TPO: variants seen among roughly 807,000 people sequenced by gnomAD.
TPO encodes the protein thyroid peroxidase.
A neutral mutation model predicts 96.9 loss-of-function variants in TPO; 78 were observed. The ratio of observed to expected loss-of-function variants is 0.81; its 90% CI spans 0.67 to 0.97. The LOEUF (loss-of-function observed/expected upper bound fraction) is 0.97. Among genes scored for constraint, TPO ranks in the 50% least tolerant of loss-of-function variants. The pLI is 0.00. For missense variants in TPO, 1,252 were observed against 1,274.8 expected, an observed-to-expected ratio of 0.98 and a Z score of 0.27; for synonymous variants, 547 against 538.0, an observed-to-expected ratio of 1.02 and a Z score of -0.23.
At chr2:1,467,060 C>G (rs545219710) in intron 7 of TPO, among the ~76,000 whole-genome samples, 1 of 152,006 alleles carries the variant, frequency 6.6e-6, no homozygotes, top group Non-Finnish European at 1.5e-5. Context: ...TTGCTGTATC[C>G]TAGAGGTTTC....
At chr2:1,432,467 A>T (rs1357925114) in intron 3 of TPO, among the ~76,000 whole-genome samples, 4 of 151,828 alleles carry the variant, frequency 2.6e-5, no homozygotes, top group African/African-American at 9.7e-5. Context: ...GGAGACCAGG[A>T]GTAAGGGGAG....
intron 1 of TPO, among the ~76,000 whole-genome samples, chr2:1,406,204 G>A (rs1403959945): frequency 3.3e-5 from 5 of 152,122 alleles, no homozygotes; most frequent in Non-Finnish European, 5.9e-5. Flanking sequence ...TGTATTTACC[G>A]ACCTTCACCA....
chr2:1,534,211 C>T (rs1267415684), intron 15 of TPO, among the ~76,000 whole-genome samples: 1 of 61,938 alleles, frequency 1.6e-5, no homozygotes, highest in African/African-American at 5.6e-5. Context: ...CCCCCAATCT[C>T]CCCCACTGTG....
At chr2:1,518,743 A>C (rs1395365798) in intron 15 of TPO, among the ~76,000 whole-genome samples, 3 of 152,268 alleles carry the variant, frequency 2.0e-5, no homozygotes, top group Admixed American at 1.3e-4. Flanking sequence ...GCCATGTGTC[A>C]GATGTAATGC....
chr2:1,469,215 G>A (rs1669158361), intron 7 of TPO, among the ~76,000 whole-genome samples: 1 of 152,112 alleles, frequency 6.6e-6, no homozygotes, highest in African/African-American at 2.4e-5. Flanking sequence ...GGTAAATCAG[G>A]GATTTCTCCT....
intron 1 of TPO, among the ~76,000 whole-genome samples, chr2:1,385,225 A>T (rs1661872183): frequency 6.6e-6 from 1 of 152,198 alleles, no homozygotes; most frequent in Admixed American, 6.5e-5. Context: ...TGGCCTCATA[A>T]AATGAGTTAG....
In TPO at chr2:1,492,148, A is replaced by AT. The variant is rs571749165; in HGVS notation, c.1769-1646dup. ...GACAGCAGTTTTCTAAAAGCTCAGG[A>AT]TTTTTTTTGTTTTTTGTTTTTTTGA... On this transcript the variant is annotated intron_variant, in intron 10 of 16. Coordinates refer to ENST00000329066, the MANE Select transcript of TPO (RefSeq NM_001206744.2). 4.0e-3 allele frequency among the ~76,000 whole-genome samples: 532 copies of AT among 131,756 alleles called. 1 individual carries two copies. Among genetic ancestry groups the AT allele is most frequent in the Admixed American group, 0.012 (155 of 13,012 alleles). 86.4% of individuals were successfully genotyped at this position (131,756 alleles called of 152,430 possible). A position where few individuals can be genotyped will look rare whatever the true frequency, so the allele number is the denominator to read the frequency against.
intron 1 of TPO, among the ~76,000 whole-genome samples, chr2:1,374,785 T>C (rs1238395844): frequency 1.3e-5 from 2 of 150,978 alleles, no homozygotes; most frequent in African/African-American, 4.9e-5. Context: ...TGGAGTGCAA[T>C]GGCTCGATCT....
chr2:1,425,967 C>T (rs1263161361), intron 3 of TPO, among the ~76,000 whole-genome samples: 1 of 146,516 alleles, frequency 6.8e-6, no homozygotes, highest in African/African-American at 2.6e-5. Flanking sequence ...GAAGTCCATG[C>T]TCCTTCTGTA....
chr2:1,482,814 C>G (rs1182114509), intron 8 of TPO, among the ~76,000 whole-genome samples: 1 of 152,156 alleles, frequency 6.6e-6, no homozygotes. Context: ...GCTGGGACTA[C>G]AGGTGTACAC....
At chr2:1,432,001 C>G (rs1665021080) in intron 3 of TPO, among the ~76,000 whole-genome samples, 1 of 152,226 alleles carries the variant, frequency 6.6e-6, no homozygotes, top group Admixed American at 6.5e-5. Context: ...TGCTCTTGCT[C>G]TAGGACCTGT....
chr2:1,380,222 G>A (rs1041850257), intron 1 of TPO, among the ~76,000 whole-genome samples: 41 of 151,804 alleles, frequency 2.7e-4, no homozygotes, highest in African/African-American at 7.3e-4. Flanking sequence ...GTGAAACCCC[G>A]TCTCTACTAA....
At position 1,542,453 on chromosome 2, in the gene TPO, C is replaced by A; in HGVS notation, c.2781C>A (p.His927Gln). 1 of 1,614,218 alleles carries A rather than the reference C, an allele frequency of 6.2e-7. No individual in the cohort carries two copies. Among genetic ancestry groups the A allele is most frequent in the Non-Finnish European group, 8.5e-7 (1 of 1,180,036 alleles). Residue 927 changes from histidine (H) to glutamine (Q), a missense_variant, in exon 17 of 17, where the codon CAC (histidine) becomes CAA (glutamine). Transcript: ENST00000329066. ...CTGGGATGGAAGGCCGGGATACTCA[C>A]AGGCTGCCGAGAGCCCTCTGAGGGC... ...ESAGMEGRDT[H>Q]RLPRAL
chr2:1,495,582 T>C (rs781298488), intron 11 of TPO, among the ~76,000 whole-genome samples: 30 of 152,300 alleles, frequency 2.0e-4, no homozygotes, highest in Non-Finnish European at 3.1e-4. Flanking sequence ...TGCAGCAAAA[T>C]AGATGCTCAT....
chr2:1,455,322 A>G (rs1667687546), intron 6 of TPO, among the ~76,000 whole-genome samples: 1 of 152,106 alleles, frequency 6.6e-6, no homozygotes, highest in South Asian at 2.1e-4. Context: ...ACTGACCCTC[A>G]AAGATTCATA....
chr2:1,543,611 A>C lies in TPO; in HGVS notation c.*1137A>C, dbSNP rs1290647630. The C allele has an allele frequency of 6.6e-6, 1 of 152,168 alleles. No individual in the cohort carries two copies. Among genetic ancestry groups the C allele is most frequent in the African/African-American group, 2.4e-5 (1 of 41,430 alleles). 9.4% of individuals were successfully genotyped at this position (152,168 alleles called of 1,614,324 possible). On this transcript the variant is annotated 3_prime_UTR_variant, in exon 17 of 17. Coordinates refer to ENST00000329066, the MANE Select transcript of TPO (RefSeq NM_001206744.2). ...AGGCCATCCTGTTCTGTGTGTTCCC[A>C]AACTCTTAGTTTTGTTCATGTAAAA...
chr2:1,531,112 C>CT (rs1678070018), intron 15 of TPO, among the ~76,000 whole-genome samples: 1 of 96,620 alleles, frequency 1.0e-5, no homozygotes, highest in Non-Finnish European at 2.1e-5. Flanking sequence ...CCAAATCCCC[C>CT]CACTGTGTGC....
At chr2:1,385,753 T>A (rs1232694307) in intron 1 of TPO, among the ~76,000 whole-genome samples, 9 of 152,334 alleles carry the variant, frequency 5.9e-5, no homozygotes, top group African/African-American at 2.2e-4. Context: ...TGGCTTCTGC[T>A]AGCTTTTGAA....
chr2:1,376,419 A>C (rs1661723315), intron 1 of TPO, among the ~76,000 whole-genome samples: 1 of 152,240 alleles, frequency 6.6e-6, no homozygotes, highest in African/African-American at 2.4e-5. Context: ...GTATTCATAG[A>C]GATTCAATTT....
Sources: allele counts gnomAD v4.1 joint callset (sites outside exome capture counted in the v4.1 genomes callset), GRCh38; gene constraint gnomAD v4.1.1; transcripts MANE v1.5; gene names NCBI Gene and HGNC (gene_info 2026-07-23, HGNC 2026-07-21).